SHC4: variants seen among roughly 807,000 people sequenced by gnomAD.
SHC4 encodes SHC-transforming protein 4.
Under a neutral mutation model 69.4 loss-of-function variants are expected in SHC4, and 41 were observed. The observed-to-expected ratio is 0.59, with a 90% CI of 0.46 to 0.77. The LOEUF (loss-of-function observed/expected upper bound fraction) is 0.77, where lower values mean the gene tolerates loss of function less well. Ranked by LOEUF, SHC4 falls within the 30% of genes least tolerant of loss-of-function variation. SHC4 has a pLI of 0.00. For synonymous variants in SHC4, 318 were observed against 299.3 expected, an observed-to-expected ratio of 1.06 and a Z score of -0.64; for missense variants, 777 against 783.8, an observed-to-expected ratio of 0.99 and a Z score of 0.10.
At chr15:48,847,415 A>T (rs1230314365) in intron 9 of SHC4, among the ~76,000 whole-genome samples, 2 of 152,176 alleles carry the variant, frequency 1.3e-5, no homozygotes, top group African/African-American at 2.4e-5. Flanking sequence ...CCATGAGGGA[A>T]TTTTTCCATA....
At chr15:48,934,789 A>G (rs1384157801) in intron 1 of SHC4, among the ~76,000 whole-genome samples, 2 of 152,250 alleles carry the variant, frequency 1.3e-5, no homozygotes, top group African/African-American at 4.8e-5. Context: ...GTATTGATAC[A>G]TGCTGCAGCA....
chr15:48,939,341 G>A (rs1410657037), intron 1 of SHC4, among the ~76,000 whole-genome samples: 1 of 152,208 alleles, frequency 6.6e-6, no homozygotes, highest in Non-Finnish European at 1.5e-5. Context: ...TGAAGGGCAG[G>A]CAATGAGAGG....
intron 3 of SHC4, 125 bp downstream of exon 3, chr15:48,890,623 A>G: frequency 9.5e-7 from 1 of 1,056,306 alleles, no homozygotes; most frequent in Non-Finnish European, 1.5e-6. Context: ...CAGCTCTGAT[A>G]TCACGCCACC....
chr15:48,863,540 C>G (rs540077746), intron 6 of SHC4, among the ~76,000 whole-genome samples: 1 of 152,044 alleles, frequency 6.6e-6, no homozygotes, highest in Non-Finnish European at 1.5e-5. Context: ...AATCTTTGTA[C>G]GTATCCTAAT....
At chr15:48,826,449 G>A (rs989406677) in intron 11 of SHC4, among the ~76,000 whole-genome samples, 3 of 151,830 alleles carry the variant, frequency 2.0e-5, no homozygotes, top group Admixed American at 6.6e-5. Context: ...GCGTTTCACC[G>A]TGTTGCCCAG....
intron 5 of SHC4, among the ~76,000 whole-genome samples, chr15:48,869,914 A>T (rs1899634891): frequency 6.6e-6 from 1 of 152,064 alleles, no homozygotes; most frequent in Non-Finnish European, 1.5e-5. Flanking sequence ...AGTGGCCACA[A>T]ATTATTTAAT....
chr15:48,953,756 C>T (rs1901401505), intron 1 of SHC4, among the ~76,000 whole-genome samples: 1 of 152,184 alleles, frequency 6.6e-6, no homozygotes, highest in Non-Finnish European at 1.5e-5. Flanking sequence ...TGTCATTTAG[C>T]CCGAGTGCTC....
chr15:48,912,095 G>T (rs548456122), intron 2 of SHC4, among the ~76,000 whole-genome samples: 2 of 152,212 alleles, frequency 1.3e-5, no homozygotes, highest in South Asian at 4.1e-4. Context: ...AATTTCCCAG[G>T]TGTTCTTTGT....
At position 48,902,394 on chromosome 15, in the gene SHC4, C is replaced by T. The variant is rs578172104; in HGVS notation, c.657-11583G>A. Among the ~76,000 whole-genome samples, 4 of 152,230 alleles carry T rather than the reference C, an allele frequency of 2.6e-5. No homozygotes were observed. In the East Asian group the frequency reaches 5.8e-4, roughly 22 times the overall value. On this transcript the variant is annotated intron_variant, in intron 2 of 11. Coordinates refer to ENST00000332408, the MANE Select transcript of SHC4 (RefSeq NM_203349.4). ...GGCAGAATACATGTCTGGCTTTCTTCAGATATTGCATGGTACCTAGTAGGC... is the reference window on the plus strand; with the variant it reads ...GGCAGAATACATGTCTGGCTTTCTTTAGATATTGCATGGTACCTAGTAGGC...
chr15:48,881,440 A>C (rs1178466331), intron 4 of SHC4, among the ~76,000 whole-genome samples: 1 of 150,646 alleles, frequency 6.6e-6, no homozygotes, highest in Non-Finnish European at 1.5e-5. Context: ...CAAGTCCCTC[A>C]GTGTTGTCTC....
chr15:48,937,165 A>G (rs527895276), intron 1 of SHC4, among the ~76,000 whole-genome samples: 252 of 152,370 alleles, frequency 1.7e-3, no homozygotes, highest in African/African-American at 5.9e-3. Context: ...TCGCAAAAGT[A>G]TTATATCATT....
At chr15:48,909,591 G>T (rs780209724) in intron 2 of SHC4, among the ~76,000 whole-genome samples, 5 of 152,112 alleles carry the variant, frequency 3.3e-5, no homozygotes, top group African/African-American at 1.2e-4. Context: ...CCACTACTAT[G>T]TTGAAGAGGA....
intron 2 of SHC4, among the ~76,000 whole-genome samples, chr15:48,902,348 G>A (rs1900332878): frequency 6.6e-6 from 1 of 152,140 alleles, no homozygotes; most frequent in Non-Finnish European, 1.5e-5. Context: ...TATAGTAACG[G>A]ATGGTATAAG....
intron 10 of SHC4, among the ~76,000 whole-genome samples, chr15:48,841,609 A>G (rs1407438827): frequency 6.6e-6 from 1 of 152,196 alleles, no homozygotes; most frequent in Non-Finnish European, 1.5e-5. Flanking sequence ...CCAATGTAGG[A>G]CAACTCCGAC....
chr15:48,936,093 A>G (rs979196453), intron 1 of SHC4, among the ~76,000 whole-genome samples: 70 of 152,224 alleles, frequency 4.6e-4, no homozygotes, highest in African/African-American at 1.6e-3. Context: ...GGAGTGTTGT[A>G]TCCCCAACAC....
intron 1 of SHC4, among the ~76,000 whole-genome samples, chr15:48,936,208 C>T (rs545596948): frequency 6.6e-6 from 1 of 152,236 alleles, no homozygotes; most frequent in East Asian, 1.9e-4. Context: ...CCTTCTGCTC[C>T]AGGTTTAAAA....
At chr15:48,827,234 A>G (rs755920252) in intron 11 of SHC4, among the ~76,000 whole-genome samples, 14 of 152,192 alleles carry the variant, frequency 9.2e-5, no homozygotes, top group Non-Finnish European at 1.2e-4. Context: ...CCGTATTAAA[A>G]TCATGCATAA....
At chr15:48,924,071 G>C (rs1019745070) in intron 2 of SHC4, among the ~76,000 whole-genome samples, 5 of 152,096 alleles carry the variant, frequency 3.3e-5, no homozygotes, top group Non-Finnish European at 5.9e-5. Context: ...ATTAGGGAGA[G>C]TTATTCTCTA....
chr15:48,906,655 A>T (rs1160306403), intron 2 of SHC4, among the ~76,000 whole-genome samples: 1 of 152,172 alleles, frequency 6.6e-6, no homozygotes, highest in Non-Finnish European at 1.5e-5. Flanking sequence ...AGAACCAGAG[A>T]TGGGGGTGTC....
Sources: allele counts gnomAD v4.1 joint callset (sites outside exome capture counted in the v4.1 genomes callset), GRCh38; gene constraint gnomAD v4.1.1; transcripts MANE v1.5; gene names NCBI Gene and HGNC (gene_info 2026-07-23, HGNC 2026-07-21).